The following TEAD4 variants were observed in gnomAD, a reference collection of about 807,000 sequenced individuals.
TEAD4 encodes transcriptional enhancer factor TEF-3.
A neutral mutation model predicts 52.4 loss-of-function variants in TEAD4; 36 were observed. That is an observed-to-expected ratio of 0.69 (90% CI 0.53 to 0.91). TEAD4 has a LOEUF of 0.91. Among genes scored for constraint, TEAD4 ranks in the 40% least tolerant of loss-of-function variants. TEAD4 has a pLI of 0.00. For synonymous variants in TEAD4, 220 were observed against 231.0 expected, an observed-to-expected ratio of 0.95 and a Z score of 0.43; for missense variants, 508 against 583.9, an observed-to-expected ratio of 0.87 and a Z score of 1.34.
At chr12:3,013,499 C>T (rs1299323734) in intron 5 of TEAD4, among the ~76,000 whole-genome samples, 3 of 152,162 alleles carry the variant, frequency 2.0e-5, no homozygotes, top group African/African-American at 7.2e-5. Flanking sequence ...TTTGGGAGGC[C>T]GAGTTGGGCG....
chr12:3,018,864 G>A (rs2098266536), intron 7 of TEAD4, among the ~76,000 whole-genome samples: 1 of 152,144 alleles, frequency 6.6e-6, no homozygotes, highest in Non-Finnish European at 1.5e-5. Context: ...GGAGGAGGCT[G>A]GGAAGCAGAC....
intron 2 of TEAD4, among the ~76,000 whole-genome samples, chr12:2,962,132 T>A (rs2098215869): frequency 6.7e-6 from 1 of 150,358 alleles, no homozygotes; most frequent in African/African-American, 2.4e-5. Context: ...TATTTTATTT[T>A]ATTTATTTTT....
chr12:3,038,296 A>T (rs1990330), intron 11 of TEAD4, among the ~76,000 whole-genome samples, 188 bp downstream of exon 11: 1 of 152,060 alleles, frequency 6.6e-6, no homozygotes, highest in Non-Finnish European at 1.5e-5. Flanking sequence ...CTGCCCAGCT[A>T]ACCAGAGCCA....
chr12:2,994,612 T>A lies in TEAD4; in HGVS notation c.-29-126T>A, dbSNP rs1235604363. On this transcript the variant is annotated intron_variant, in intron 2 of 12. Coordinates refer to ENST00000359864, the MANE Select transcript of TEAD4 (RefSeq NM_003213.4). This position sits in a 1 kb window ranked among gnomAD's most constrained non-coding sequence, Gnocchi z 4.7. Reference sequence around the variant, plus strand: ...AGACCCCAGGCCTGATTCTCACAGATCTTTCACTTCACGCTTTGCTTCCTG... The same window carrying A: ...AGACCCCAGGCCTGATTCTCACAGAACTTTCACTTCACGCTTTGCTTCCTG... 2.3e-6 allele frequency: 3 copies of A among 1,278,266 alleles called. No individual in the cohort carries two copies. The highest frequency in any genetic ancestry group is 3.0e-5 in the African/African-American group (2 of 66,482). The allele number at this position is 1,278,266 out of a possible 1,614,324, so 79.2% of individuals were successfully genotyped here. A position where few individuals can be genotyped will look rare whatever the true frequency, so the allele number is the denominator to read the frequency against.
chr12:3,031,504 C>A (rs2098275520), intron 10 of TEAD4, among the ~76,000 whole-genome samples: 1 of 152,202 alleles, frequency 6.6e-6, no homozygotes, highest in Non-Finnish European at 1.5e-5. Flanking sequence ...TAAGGACCAT[C>A]CTAGGTCTCT....
intron 2 of TEAD4, among the ~76,000 whole-genome samples, chr12:2,973,230 C>T (rs1167435412): frequency 1.3e-5 from 2 of 152,150 alleles, no homozygotes; most frequent in African/African-American, 4.8e-5. Flanking sequence ...CGCCACCACG[C>T]CCGGCTCATT....
intron 7 of TEAD4, 96 bp from the exon 8 acceptor site, chr12:3,019,019 C>A: frequency 6.8e-7 from 1 of 1,481,230 alleles, no homozygotes. Context: ...AAATCCAGAC[C>A]ACCAGGACCT....
intron 2 of TEAD4, among the ~76,000 whole-genome samples, chr12:2,985,584 C>T (rs1380554982): frequency 7.6e-6 from 1 of 130,740 alleles, no homozygotes. Context: ...CGGCTCACTG[C>T]AACCTCCGCC....
At chr12:2,970,069 A>T (rs1246324359) in intron 2 of TEAD4, among the ~76,000 whole-genome samples, 1 of 152,206 alleles carries the variant, frequency 6.6e-6, no homozygotes, top group Non-Finnish European at 1.5e-5. Flanking sequence ...TCTAAAAAAA[A>T]GAAAGGAAAA....
rs1360442502 is a variant in TEAD4, at chr12:3,034,117, G to A, written c.898-3851G>A. Among the ~76,000 whole-genome samples, 3 of 150,834 alleles carry A rather than the reference G, an allele frequency of 2.0e-5. 1 individual carries two copies. Among genetic ancestry groups the A allele is most frequent in the African/African-American group, 7.5e-5 (3 of 40,188 alleles). ...CCCGATTATAAATTCCCTGAGAGCA[G>A]AAACAATGTCTCAACCTCTCTGGGC... On this transcript the variant is annotated intron_variant, in intron 10 of 12. Coordinates refer to ENST00000359864, the MANE Select transcript of TEAD4 (RefSeq NM_003213.4).
At chr12:3,022,175 T>C (rs2098269177) in intron 10 of TEAD4, among the ~76,000 whole-genome samples, 158 bp downstream of exon 10, 1 of 152,070 alleles carries the variant, frequency 6.6e-6, no homozygotes, top group Non-Finnish European at 1.5e-5. Flanking sequence ...ATGGGATGGT[T>C]GGAGCTGAGC....
chr12:3,014,549 T>C (rs1197272648), intron 5 of TEAD4, among the ~76,000 whole-genome samples: 2 of 152,348 alleles, frequency 1.3e-5, no homozygotes, highest in African/African-American at 4.8e-5. Flanking sequence ...AGTGATCCAA[T>C]AGAAATCCCT....
intron 2 of TEAD4, among the ~76,000 whole-genome samples, chr12:2,962,305 TAAATATATAAATATATATATAAATATAA>T (rs1368495472): frequency 8.5e-6 from 1 of 117,936 alleles, no homozygotes; most frequent in African/African-American, 3.1e-5. Flanking sequence ...TATATAAATA[TAAATATATAAATATATATATAAATATAA>T]ATATATATAT....
chr12:2,984,936 C>T (rs1329040073), intron 2 of TEAD4, among the ~76,000 whole-genome samples: 2 of 152,144 alleles, frequency 1.3e-5, no homozygotes, highest in Non-Finnish European at 2.9e-5. Context: ...GTACACTACT[C>T]TACACTAGGA....
At chr12:2,977,247 T>C (rs2098230489) in intron 2 of TEAD4, among the ~76,000 whole-genome samples, 2 of 152,198 alleles carry the variant, frequency 1.3e-5, no homozygotes. Context: ...CTCAGGCGTC[T>C]TGAGTCCAGA....
chr12:3,037,895 G>T, intron 10 of TEAD4, 73 bp from the exon 11 acceptor site: 1 of 1,547,732 alleles, frequency 6.5e-7, no homozygotes, highest in Non-Finnish European at 8.8e-7. Flanking sequence ...CCGGGACCCT[G>T]AGGTCTCCTT....
intron 2 of TEAD4, among the ~76,000 whole-genome samples, chr12:2,971,231 A>C (rs906278046): frequency 2.6e-5 from 4 of 152,172 alleles, no homozygotes; most frequent in Admixed American, 1.3e-4. Context: ...TGCCTGGTAA[A>C]GGATGATTGA....
In TEAD4 at chr12:3,004,414, A is replaced by T. The variant is rs3782843; in HGVS notation, c.227-6590A>T. On this transcript the variant is annotated intron_variant, in intron 3 of 12. Coordinates refer to ENST00000359864, the MANE Select transcript of TEAD4 (RefSeq NM_003213.4). Reference sequence around the variant, plus strand: ...CTCTCTGGGCTTCCATTTCATCTTCATCAGGCTAAACAGGACCTCTAGAGT... The same window carrying T: ...CTCTCTGGGCTTCCATTTCATCTTCTTCAGGCTAAACAGGACCTCTAGAGT... Among the ~76,000 whole-genome samples the T allele has an allele frequency of 9.9e-4, 150 of 152,158 alleles. 1 individual carries two copies. Among genetic ancestry groups the T allele is most frequent in the African/African-American group, 3.4e-3 (139 of 41,474 alleles).
At chr12:3,020,253 AGT>A (rs1391299650) in intron 8 of TEAD4, among the ~76,000 whole-genome samples, 2 of 152,200 alleles carry the variant, frequency 1.3e-5, no homozygotes, top group Non-Finnish European at 2.9e-5. Flanking sequence ...ATATTGTAAT[AGT>A]GGATTCATCT....
Sources: gnomAD v4.1 joint callset for allele counts (sites outside exome capture counted in the v4.1 genomes callset) on GRCh38, gnomAD v4.1.1 for gene constraint, Gnocchi (gnomAD v3.1) non-coding constraint, MANE v1.5 for transcripts, NCBI Gene and HGNC (gene_info 2026-07-23, HGNC 2026-07-21) for gene names.